The following KDM5B variants were observed in gnomAD, a reference collection of about 807,000 sequenced individuals.
KDM5B encodes lysine-specific demethylase 5B.
In KDM5B, 144 loss-of-function variants were observed where a neutral mutation model predicts 193.4. That is an observed-to-expected ratio of 0.74 (90% CI 0.65 to 0.86). The LOEUF is 0.86. Ranked by LOEUF, KDM5B falls within the 40% of genes least tolerant of loss-of-function variation. The pLI, the probability that KDM5B is intolerant of heterozygous loss-of-function variation, is 0.00. For missense variants in KDM5B, 1,833 were observed against 1,886.9 expected, an observed-to-expected ratio of 0.97 and a Z score of 0.53; for synonymous variants, 668 against 682.6, an observed-to-expected ratio of 0.98 and a Z score of 0.33.
At chr1:202,766,049 A>C (rs556224297) in intron 5 of KDM5B, among the ~76,000 whole-genome samples, 1 of 152,188 alleles carries the variant, frequency 6.6e-6, no homozygotes, top group Non-Finnish European at 1.5e-5. Flanking sequence ...GTCTTTATTA[A>C]AAATTTTTTT....
intron 1 of KDM5B, chr1:202,806,716 CAT>C (rs1487355504): frequency 2.0e-5 from 3 of 151,750 alleles, no homozygotes; most frequent in Non-Finnish European, 4.4e-5. Flanking sequence ...CTTTCCAAAA[CAT>C]AACGATTACA....
At chr1:202,790,296 G>C (rs1191790984) in intron 1 of KDM5B, among the ~76,000 whole-genome samples, 1 of 152,218 alleles carries the variant, frequency 6.6e-6, no homozygotes, top group Non-Finnish European at 1.5e-5. Flanking sequence ...ATGGATGGCA[G>C]GCCAAGGGCA....
At chr1:202,752,848 G>T in intron 12 of KDM5B, 57 bp downstream of exon 12, 2 of 1,493,080 alleles carry the variant, frequency 1.3e-6, no homozygotes, top group East Asian at 4.6e-5. Context: ...GAATAAAAAG[G>T]AAAAAGAGAA....
intron 20 of KDM5B, 36 bp from the exon 21 acceptor site, chr1:202,736,428 A>T: frequency 6.8e-7 from 1 of 1,473,564 alleles, no homozygotes; most frequent in Non-Finnish European, 9.1e-7. Context: ...AGTTTAGAGA[A>T]AAGAACACTT....
At chr1:202,804,922 T>G (rs952044815) in intron 1 of KDM5B, among the ~76,000 whole-genome samples, 1 of 151,746 alleles carries the variant, frequency 6.6e-6, no homozygotes, top group Non-Finnish European at 1.5e-5. Flanking sequence ...TGTGAGACAT[T>G]TGAAAGCAAG....
At chr1:202,737,970 T>G (rs148868650) in intron 20 of KDM5B, among the ~76,000 whole-genome samples, 1 of 152,368 alleles carries the variant, frequency 6.6e-6, no homozygotes, top group African/African-American at 2.4e-5. Context: ...GATGGACACT[T>G]AAGAATGTGA....
chr1:202,791,183 G>T (rs1204538257), intron 1 of KDM5B, among the ~76,000 whole-genome samples: 2 of 152,094 alleles, frequency 1.3e-5, no homozygotes, highest in East Asian at 3.9e-4. Flanking sequence ...CAAATTTATT[G>T]CCATAGTCCA....
chr1:202,776,994 C>T (rs910458692), intron 2 of KDM5B, 23 bp downstream of exon 2: 6 of 1,522,702 alleles, frequency 3.9e-6, no homozygotes, highest in Non-Finnish European at 5.5e-6. Context: ...TACAGGCAAA[C>T]AGAACAATAG....
intron 3 of KDM5B, among the ~76,000 whole-genome samples, chr1:202,773,912 T>C (rs1005057693): frequency 1.3e-5 from 2 of 152,014 alleles, no homozygotes; most frequent in Non-Finnish European, 2.9e-5. Flanking sequence ...TAATTTTGTA[T>C]TTTTAGTAGA....
intron 23 of KDM5B, 87 bp downstream of exon 23, chr1:202,733,314 G>T (rs1654961290): frequency 4.1e-6 from 6 of 1,467,444 alleles, no homozygotes; most frequent in Non-Finnish European, 4.6e-6. Flanking sequence ...CACACCAAGG[G>T]AATAGCAACA....
At chr1:202,760,314 T>TAA in intron 8 of KDM5B, 101 bp downstream of exon 8, 1 of 849,576 alleles carries the variant, frequency 1.2e-6, no homozygotes, top group Non-Finnish European at 1.8e-6. Context: ...AGTCCTTGTC[T>TAA]AAAAAAAATA....
rs777781725 is a variant in KDM5B at position 202,733,805 on chromosome 1, A to G, written c.3505T>C (p.Ser1169Pro). 6.2e-7 allele frequency: 1 copy of G among 1,614,154 alleles called. No individual in the cohort carries two copies. Among genetic ancestry groups the G allele is most frequent in the East Asian group, 2.2e-5 (1 of 44,880 alleles). The change falls in exon 23 of 27, where the codon TCG becomes CCG. Residue 1169 changes from serine (S) to proline (P), a missense_variant. Physicochemically the swap from Ser to Pro is moderately conservative, Grantham distance 74 (BLOSUM62 -1). Around this residue, in one of 3 missense-constraint regions of KDM5B, gnomAD observed 1,379 missense variants for 1,349.6 expected, o/e 1.02. Coordinates refer to ENST00000367265, the MANE Select transcript of KDM5B (RefSeq NM_006618.5). Reference sequence around the variant, plus strand: ...TTTATATCCACATCTTGGAGAGGCGACAGCAATTTCCCTTCATTGGCGAGT... The same window carrying G: ...TTTATATCCACATCTTGGAGAGGCGGCAGCAATTTCCCTTCATTGGCGAGT... ...LRLANEGKLL[S>P]PLQDVDIKIC...
intron 1 of KDM5B, among the ~76,000 whole-genome samples, chr1:202,782,356 G>T (rs767648816): frequency 6.6e-6 from 1 of 152,074 alleles, no homozygotes; most frequent in South Asian, 2.1e-4. Context: ...AATGGGACAC[G>T]AATTTTTTTT....
Position 202,772,065 on chromosome 1 carries a change from T to C in KDM5B, c.576+1053A>G, listed in dbSNP as rs571390333. 2.0e-5 allele frequency among the ~76,000 whole-genome samples: 3 copies of C among 152,336 alleles called. No individual in the cohort carries two copies. In the South Asian group the frequency reaches 6.2e-4, roughly 32 times the overall value. On this transcript the variant is annotated intron_variant, in intron 4 of 26. Coordinates refer to ENST00000367265, the MANE Select transcript of KDM5B (RefSeq NM_006618.5). ...ATTTAAGCATTACAGATGGTGTGTT[T>C]GTGTGTGTATAGTATTAGGACAGGA... is the stretch of plus-strand genomic sequence containing the variant.
chr1:202,799,558 C>T (rs992734895), intron 1 of KDM5B, among the ~76,000 whole-genome samples: 2 of 151,220 alleles, frequency 1.3e-5, no homozygotes, highest in African/African-American at 4.9e-5. Context: ...AAGGCTGAGG[C>T]AGGAGAATTA....
chr1:202,793,636 CCTACT>C (rs1227792373), intron 1 of KDM5B, among the ~76,000 whole-genome samples: 9 of 152,294 alleles, frequency 5.9e-5, no homozygotes, highest in Admixed American at 2.0e-4. Context: ...CATTTTGATT[CCTACT>C]CTATTCTTTC....
In KDM5B at chr1:202,729,910, T is replaced by A. The variant is rs766943586; in HGVS notation, c.4294A>T (p.Thr1432Ser). 1 of 1,614,032 alleles carries A rather than the reference T, an allele frequency of 6.2e-7. No homozygotes were observed. The highest frequency in any genetic ancestry group is 1.1e-5 in the South Asian group (1 of 91,074). The change falls in exon 26 of 27, where the codon ACC becomes TCC. Residue 1432 changes from threonine to serine, a missense_variant. By Grantham distance (58) the Thr-to-Ser change is moderately conservative. Coordinates refer to ENST00000367265, the MANE Select transcript of KDM5B (RefSeq NM_006618.5). ...ERWERVKKMR[T>S]PKKKKIKLSH... ...AGTTTGATTTTCTTCTTTTTGGGGG[T>A]CCGCATTTTCTTAACTCGTTCCCAC...
intron 1 of KDM5B, among the ~76,000 whole-genome samples, chr1:202,786,830 T>C (rs1226741427): frequency 6.6e-6 from 1 of 152,062 alleles, no homozygotes; most frequent in Non-Finnish European, 1.5e-5. Flanking sequence ...GTGGATCACC[T>C]GAGGTCAGGA....
chr1:202,753,808 T>C (rs974009247), intron 11 of KDM5B, among the ~76,000 whole-genome samples: 1 of 152,028 alleles, frequency 6.6e-6, no homozygotes, highest in Non-Finnish European at 1.5e-5. Context: ...TAGCTAGTAT[T>C]ACAGGCGTGC....
Sources: gnomAD v4.1 joint callset for allele counts (sites outside exome capture counted in the v4.1 genomes callset) on GRCh38, gnomAD v4.1.1 for gene constraint, gnomAD v4.1.1 regional missense constraint, MANE v1.5 for transcripts, NCBI Gene and HGNC (gene_info 2026-07-23, HGNC 2026-07-21) for gene names.